The following CPSF1 variants were observed in gnomAD, a reference collection of about 807,000 sequenced individuals.
CPSF1 encodes cleavage and polyadenylation specificity factor subunit 1.
In CPSF1, 106 loss-of-function variants were observed where a neutral mutation model predicts 175.8. The observed-to-expected ratio is 0.60, with a 90% CI of 0.52 to 0.71. CPSF1 has a LOEUF of 0.71. Among genes scored for constraint, CPSF1 ranks in the 30% least tolerant of loss-of-function variants. The pLI, the probability that CPSF1 is intolerant of heterozygous loss-of-function variation, is 0.00. For missense variants in CPSF1, 1,734 were observed against 2,022.9 expected, an observed-to-expected ratio of 0.86 and a Z score of 2.74; for synonymous variants, 1,024 against 858.3, an observed-to-expected ratio of 1.19 and a Z score of -3.37.
At chr8:144,400,520 G>C in intron 7 of CPSF1, 27 bp from the exon 8 acceptor site, 1 of 1,611,478 alleles carries the variant, frequency 6.2e-7, no homozygotes, top group Non-Finnish European at 8.5e-7. Flanking sequence ...GTCAGCCAAG[G>C]GCCTTGCCTC....
At chr8:144,395,215 G>A (rs782757346) in intron 28 of CPSF1, 33 bp from the exon 29 acceptor site, 4 of 1,612,558 alleles carry the variant, frequency 2.5e-6, no homozygotes, top group South Asian at 1.1e-5. Context: ...TCAGAGTAGG[G>A]CTTCCCCAAG....
rs562635122 is a variant in CPSF1 at position 144,397,788 on chromosome 8, CCG to C, written c.2163_2164del (p.Gly723ProfsTer14). 5.5e-4 allele frequency: 890 copies of C among 1,610,590 alleles called. 2 individuals carry two copies. The highest frequency in any genetic ancestry group is 5.4e-3 in the African/African-American group (406 of 75,006). On this transcript the variant is annotated frameshift_variant, in exon 21 of 38. Coordinates refer to ENST00000616140, the MANE Select transcript of CPSF1 (RefSeq NM_013291.3). LOFTEE classifies it high-confidence loss of function. The stretch of plus-strand genomic sequence containing the variant: ...CTCGGCCTCCGGGCCACTGCGGCCC[CCG>C]AGCTCGTCACGGGCCCCACCCAGGC...
Position 144,401,194 on chromosome 8 carries a change from C to A in CPSF1, c.387+17G>T. The stretch of plus-strand genomic sequence containing the variant: ...TGGCTGGGCGGGGCCTGGGCGGGGG[C>A]GGGAGCGCGGCCCTACCCGAAGCTC... On this transcript the variant is annotated intron_variant, in intron 5 of 37. Coordinates refer to ENST00000616140, the MANE Select transcript of CPSF1 (RefSeq NM_013291.3). 1 of 1,199,158 alleles carries A rather than the reference C, an allele frequency of 8.3e-7. No individual in the cohort carries two copies. Among genetic ancestry groups the A allele is most frequent in the Non-Finnish European group, 1.1e-6 (1 of 880,392 alleles). The allele number at this position is 1,199,158 out of a possible 1,614,324, so 74.3% of individuals were successfully genotyped here.
chr8:144,398,355 T>C lies in CPSF1; in HGVS notation c.1841A>G (p.Asp614Gly). 1 of 1,555,600 alleles carries C rather than the reference T, an allele frequency of 6.4e-7. No individual in the cohort carries two copies. The highest frequency in any genetic ancestry group is 8.7e-7 in the Non-Finnish European group (1 of 1,145,268). Residue 614 changes from aspartate to glycine, a missense_variant, in exon 19 of 38, where the codon GAC becomes GGC. Physicochemically the swap from Asp to Gly is moderately conservative, Grantham distance 94. Around this residue, in one of 10 missense-constraint regions of CPSF1, gnomAD observed 280 missense variants for 349.2 expected, o/e 0.80. Coordinates refer to ENST00000616140, the MANE Select transcript of CPSF1 (RefSeq NM_013291.3). The part of the protein sequence containing the change: ...GPTVFAGNIG[D>G]NRYIVQVSPL... ...TGACACTTGGACAATGTAGCGGTTG[T>C]CCCCGATGTTCCCAGCAAAGACCGT...
chr8:144,400,135 G>GGGGGCGCCCCCCCCCCCCCCCCC, intron 9 of CPSF1, 31 bp downstream of exon 9: 1 of 896,010 alleles, frequency 1.1e-6, no homozygotes, highest in Non-Finnish European at 1.6e-6. Context: ...CCGTCCCCGG[G>GGGGGCGCCCCCCCCCCCCCCCCC]CCCCCCCCGC....
Position 144,409,016 on chromosome 8 carries a change from T to A in CPSF1, c.143A>T (p.Glu48Val), listed in dbSNP as rs1821650945. The change falls in exon 2 of 38, where the codon GAG becomes GTG. Residue 48 changes from glutamate to valine, a missense_variant and splice_region_variant. Glu to Val is a moderately radical substitution (Grantham distance 121, BLOSUM62 -2). Around this residue, in one of 10 missense-constraint regions of CPSF1, gnomAD observed 126 missense variants for 117.9 expected, o/e 1.07. Coordinates refer to ENST00000616140, the MANE Select transcript of CPSF1 (RefSeq NM_013291.3). ...GAGGGCTCCCAGGGCCCGACCTACC[T>A]CGGCGTCGCGGTTGAGGCGGTACAC... Reference protein sequence around the residue: ...LYVYRLNRDAEALTKNDRSTE... With the variant: ...LYVYRLNRDAVALTKNDRSTE... 6.2e-7 allele frequency: 1 copy of A among 1,612,552 alleles called. No individual in the cohort carries two copies. The highest frequency in any genetic ancestry group is 1.3e-5 in the African/African-American group (1 of 74,886).
Position 144,400,923 on chromosome 8 carries a change from C to A in CPSF1, c.539+1G>T, listed in dbSNP as rs1821166689. 6.2e-7 allele frequency: 1 copy of A among 1,603,462 alleles called. No individual in the cohort carries two copies. The highest frequency in any genetic ancestry group is 8.5e-7 in the Non-Finnish European group (1 of 1,174,542). ...CACAGCCTGCCTCAGCTGGCACTCA[C>A]CCCTCACCCACGAGCCCCTCGTGCT... On this transcript the variant is annotated splice_donor_variant, in intron 6 of 37. Coordinates refer to ENST00000616140, the MANE Select transcript of CPSF1 (RefSeq NM_013291.3). LOFTEE classifies it high-confidence loss of function.
chr8:144,394,996 C>T lies in CPSF1; in HGVS notation c.3300G>A (p.Val1100=). Residue 1100 remains valine, a synonymous_variant, in exon 30 of 38, where the codon GTG becomes GTA. Coordinates refer to ENST00000616140, the MANE Select transcript of CPSF1 (RefSeq NM_013291.3). Reference sequence around the variant, plus strand: ...GCAGAGACACTGTCTTCATGCAGGTCACATGCTCCCACTCCTGCAGCTCGA... The same window carrying T: ...GCAGAGACACTGTCTTCATGCAGGTTACATGCTCCCACTCCTGCAGCTCGA... ...ARIELQEWEH[V]TCMKTVSLRS... The T allele has an allele frequency of 6.2e-7, 1 of 1,611,734 alleles. No individual in the cohort carries two copies. Among genetic ancestry groups the T allele is most frequent in the Non-Finnish European group, 8.5e-7 (1 of 1,179,012 alleles).
chr8:144,399,724 G>A lies in CPSF1; in HGVS notation c.1120-14C>T. 6.2e-7 allele frequency: 1 copy of A among 1,606,352 alleles called. No individual in the cohort carries two copies. The highest frequency in any genetic ancestry group is 1.3e-5 in the African/African-American group (1 of 74,898). ...CATGGTGACCATCTGAGGGAGGGCA[G>A]GTGTGTGATGGCTGGGCCGGGTCTG... On this transcript the variant is annotated splice_polypyrimidine_tract_variant and intron_variant, in intron 11 of 37. Coordinates refer to ENST00000616140, the MANE Select transcript of CPSF1 (RefSeq NM_013291.3). The surrounding 1 kb of genome is among the most constrained non-coding windows in gnomAD (Gnocchi z 6.4).
At position 144,398,785 on chromosome 8, in the gene CPSF1, C is replaced by T. The variant is rs2116854806; in HGVS notation, c.1632G>A (p.Lys544=). 1.3e-6 allele frequency: 2 copies of T among 1,598,306 alleles called. No homozygotes were observed. Among genetic ancestry groups the T allele is most frequent in the Admixed American group, 1.7e-5 (1 of 59,392 alleles). ...GCAGCAGGCTCGCACCTACCTCCTCCTTACGCACCGGGGCGATGACTGTCC... is the reference window on the plus strand; with the variant it reads ...GCAGCAGGCTCGCACCTACCTCCTCTTTACGCACCGGGGCGATGACTGTCC... The part of the protein sequence containing the change: ...DMWTVIAPVR[K]EEEDNPKGEG... The change falls in exon 17 of 38, where the codon AAG becomes AAA. Residue 544 remains lysine, a synonymous_variant. Transcript: ENST00000616140.
In CPSF1 at chr8:144,397,590, T is replaced by G. The variant is rs375638773; in HGVS notation, c.2282A>C (p.Glu761Ala). The change falls in exon 22 of 38, where the codon GAG becomes GCG. Residue 761 changes from glutamate (E) to alanine (A), a missense_variant. Around this residue, in one of 10 missense-constraint regions of CPSF1, gnomAD observed 585 missense variants for 584.7 expected, o/e 1.00. Transcript: ENST00000616140. ...SGSLFSPSKE[E>A]ARRSSQPPAD... ...AGGGGGCTGGCTGCTTCTTCGGGCC[T>G]CCTCCTTGCTGGGGCTGAAGAGGGA... is the stretch of plus-strand genomic sequence containing the variant. 12 of 1,539,614 alleles carry G rather than the reference T, an allele frequency of 7.8e-6. No homozygotes were observed. In the African/African-American group the frequency reaches 1.1e-4, roughly 14 times the overall value.
At position 144,401,274 on chromosome 8, in the gene CPSF1, G is replaced by T; in HGVS notation, c.324C>A (p.Tyr108Ter). ...TCTTCAGGTCATGGGTGCCCGGGTC[G>T]TACTCCACCACAGACAGCTGCGGTC... ...FKDAKLSVVE[Y>*]DPGTHDLKTL... Residue 108 changes from tyrosine (Y) to a stop codon, truncating the protein, a stop_gained, in exon 5 of 38, where the codon TAC becomes TAA. Coordinates refer to ENST00000616140, the MANE Select transcript of CPSF1 (RefSeq NM_013291.3). LOFTEE classifies it high-confidence loss of function. The T allele has an allele frequency of 6.4e-7, 1 of 1,558,022 alleles. No individual in the cohort carries two copies. Among genetic ancestry groups the T allele is most frequent in the Non-Finnish European group, 8.7e-7 (1 of 1,151,194 alleles).
At position 144,409,077 on chromosome 8, in the gene CPSF1, G is replaced by T; in HGVS notation, c.82C>A (p.Arg28Ser). ...GAGGTCCCGGCCACTACCAGGTTGCGCTCGCTGTTGTTGAAGAAGTTGCAG... is the reference window on the plus strand; with the variant it reads ...GAGGTCCCGGCCACTACCAGGTTGCTCTCGCTGTTGTTGAAGAAGTTGCAG... ...MYCNFFNNSE[R>S]NLVVAGTSQL... Residue 28 changes from arginine to serine, a missense_variant, in exon 2 of 38, where the codon CGC becomes AGC. Arg to Ser is a moderately radical substitution (Grantham distance 110, BLOSUM62 -1). Coordinates refer to ENST00000616140, the MANE Select transcript of CPSF1 (RefSeq NM_013291.3). The T allele has an allele frequency of 6.2e-7, 1 of 1,613,866 alleles. No individual in the cohort carries two copies. Among genetic ancestry groups the T allele is most frequent in the Non-Finnish European group, 8.5e-7 (1 of 1,179,922 alleles).
At chr8:144,403,717 T>TATGTGCTACCATGCCCGGCTG (rs1554868112) in intron 2 of CPSF1, among the ~76,000 whole-genome samples, 1 of 151,524 alleles carries the variant, frequency 6.6e-6, no homozygotes, top group African/African-American at 2.4e-5. Flanking sequence ...CATGCCCGGC[T>TATGTGCTACCATGCCCGGCTG]ATTTTTGTAT....
chr8:144,397,021 G>T, intron 23 of CPSF1, 92 bp from the exon 24 acceptor site: 1 of 1,023,928 alleles, frequency 9.8e-7, no homozygotes, highest in Non-Finnish European at 1.5e-6. Context: ...GGTAAGGGGC[G>T]GGGCTGAGAT....
In CPSF1 at chr8:144,409,180, AG is replaced by A; in HGVS notation, c.-14-9del. The A allele has an allele frequency of 6.3e-7, 1 of 1,591,986 alleles. No individual in the cohort carries two copies. Among genetic ancestry groups the A allele is most frequent in the South Asian group, 1.1e-5 (1 of 89,240 alleles). The stretch of plus-strand genomic sequence containing the variant: ...ACATGGCGCCAACCCGGGCTGCGCA[AG>A]GCCGGGAGAGGAAGGGTGAGCGGGG... On this transcript the variant is annotated splice_polypyrimidine_tract_variant and intron_variant, in intron 1 of 37. Coordinates refer to ENST00000616140, the MANE Select transcript of CPSF1 (RefSeq NM_013291.3).
rs1554866656 is a variant in CPSF1 at position 144,400,921 on chromosome 8, C to G, written c.539+3G>C. The G allele has an allele frequency of 4.1e-5, 65 of 1,602,440 alleles. No homozygotes were observed. Among genetic ancestry groups the G allele is most frequent in the Non-Finnish European group, 5.5e-5 (65 of 1,173,926 alleles). On this transcript the variant is annotated splice_donor_region_variant and intron_variant, in intron 6 of 37. Coordinates refer to ENST00000616140, the MANE Select transcript of CPSF1 (RefSeq NM_013291.3). ...ACCACAGCCTGCCTCAGCTGGCACT[C>G]ACCCCTCACCCACGAGCCCCTCGTG...
At position 144,399,999 on chromosome 8, in the gene CPSF1, C is replaced by T. The variant is rs2116869029; in HGVS notation, c.1024G>A (p.Gly342Ser). 3.1e-6 allele frequency: 5 copies of T among 1,611,988 alleles called. No individual in the cohort carries two copies. The highest frequency in any genetic ancestry group is 2.2e-5 in the South Asian group (2 of 90,970). Reference protein sequence around the residue: ...YDKMVISLKGGEIYVLTLITD... With the variant: ...YDKMVISLKGSEIYVLTLITD... Reference sequence around the variant, plus strand: ...GGCGGGGGAGGGGCTCACATCTCGCCGCCCTTGAGGGAGATGACCATCTTG... The same window carrying T: ...GGCGGGGGAGGGGCTCACATCTCGCTGCCCTTGAGGGAGATGACCATCTTG... Residue 342 changes from glycine (G) to serine (S), a missense_variant, in exon 10 of 38, where the codon GGC becomes AGC. Physicochemically the swap from Gly to Ser is moderately conservative, Grantham distance 56 (BLOSUM62 0). Around this residue, in one of 10 missense-constraint regions of CPSF1, gnomAD observed 162 missense variants for 169.5 expected, o/e 0.96. Transcript: ENST00000616140. This position sits in a 1 kb window ranked among gnomAD's most constrained non-coding sequence, Gnocchi z 6.4.
In CPSF1 at chr8:144,395,128, G is replaced by A. The variant is rs782779067; in HGVS notation, c.3242C>T (p.Pro1081Leu). The change falls in exon 29 of 38, where the codon CCG (proline) becomes CTG (leucine). Residue 1081 changes from proline (P) to leucine (L), a missense_variant. By Grantham distance (98) the Pro-to-Leu change is moderately conservative. Transcript: ENST00000616140. ...QEAFSIQLIS[P>L]VSWEAIPNAR... Reference sequence around the variant, plus strand: ...ATTGGGAATAGCCTCCCAGCTGACCGGGGAGATGAGCTGGATGGAGAAGGC... The same window carrying A: ...ATTGGGAATAGCCTCCCAGCTGACCAGGGAGATGAGCTGGATGGAGAAGGC... The A allele has an allele frequency of 1.2e-5, 19 of 1,612,030 alleles. No individual in the cohort carries two copies. Among genetic ancestry groups the A allele is most frequent in the African/African-American group, 2.7e-5 (2 of 74,926 alleles).
Sources: allele counts gnomAD v4.1 joint callset (sites outside exome capture counted in the v4.1 genomes callset), GRCh38; gene constraint gnomAD v4.1.1; regional missense constraint gnomAD v4.1.1; non-coding constraint Gnocchi (gnomAD v3.1); transcripts MANE v1.5; gene names NCBI Gene and HGNC (gene_info 2026-07-23, HGNC 2026-07-21).